Variants in MAGI2 observed in about 807,000 individuals in gnomAD.
The protein encoded by MAGI2 is membrane-associated guanylate kinase, WW and PDZ domain-containing protein 2.
A neutral mutation model predicts 133.3 loss-of-function variants in MAGI2; 35 were observed. The ratio of observed to expected loss-of-function variants is 0.26; its 90% CI spans 0.20 to 0.35. MAGI2 has a LOEUF of 0.35. MAGI2 is among the 10% of genes least tolerant of loss of function. MAGI2 has a pLI of 1.00. For synonymous variants in MAGI2, 729 were observed against 710.6 expected (o/e 1.03, Z -0.41); for missense variants, 1,636 against 1,863.4 (o/e 0.88, Z 2.25).
chr7:78,411,827 T>G (rs2151379421), intron 6 of MAGI2, among the ~76,000 whole-genome samples: 1 of 152,152 alleles, frequency 6.6e-6, no homozygotes, highest in Middle Eastern at 3.4e-3. Context: ...ACCCTGATTC[T>G]TGACTTCATT....
intron 20 of MAGI2, among the ~76,000 whole-genome samples, chr7:78,082,163 C>G (rs1816044768): frequency 6.6e-6 from 1 of 152,184 alleles, no homozygotes; most frequent in African/African-American, 2.4e-5. Flanking sequence ...TAGAAATAGT[C>G]CCGTCTTTTG....
chr7:79,310,251 T>C (rs1036237153), intron 1 of MAGI2, among the ~76,000 whole-genome samples: 3 of 142,160 alleles, frequency 2.1e-5, no homozygotes, highest in African/African-American at 7.9e-5. Context: ...CATTTTTGTG[T>C]ACAAAATTAT....
chr7:78,585,328 C>CTTGTAGA (rs1292822252), intron 3 of MAGI2, among the ~76,000 whole-genome samples: 7 of 152,146 alleles, frequency 4.6e-5, no homozygotes, highest in African/African-American at 1.4e-4. Flanking sequence ...CAAGGGTTAT[C>CTTGTAGA]AGAATAGAAG....
intron 2 of MAGI2, among the ~76,000 whole-genome samples, chr7:78,910,666 G>A (rs1007162532): frequency 2.0e-5 from 3 of 152,076 alleles, no homozygotes; most frequent in Admixed American, 6.5e-5. Context: ...ACTTCCTAAC[G>A]TGGGAAAACG....
At chr7:79,330,515 C>T (rs1464309878) in intron 1 of MAGI2, among the ~76,000 whole-genome samples, 2 of 152,032 alleles carry the variant, frequency 1.3e-5, no homozygotes, top group Non-Finnish European at 2.9e-5. Context: ...GCATCTTATT[C>T]CTCCTTAAAA....
At chr7:78,389,646 C>G (rs943081699) in intron 6 of MAGI2, among the ~76,000 whole-genome samples, 1 of 152,154 alleles carries the variant, frequency 6.6e-6, no homozygotes, top group African/African-American at 2.4e-5. Context: ...ATTTTATGCT[C>G]TTTAATAATT....
At chr7:79,416,059 G>A (rs1423407584) in intron 1 of MAGI2, among the ~76,000 whole-genome samples, 1 of 152,152 alleles carries the variant, frequency 6.6e-6, no homozygotes, top group Non-Finnish European at 1.5e-5. Context: ...TAAACTGTAT[G>A]GAAGAATGAG....
chr7:78,523,433 C>G (rs767340139), intron 3 of MAGI2, among the ~76,000 whole-genome samples: 90 of 151,780 alleles, frequency 5.9e-4, no homozygotes, highest in Non-Finnish European at 4.6e-4. Flanking sequence ...GAGCTGAGAT[C>G]GCGCCACTGC....
At position 78,185,611 on chromosome 7, in the gene MAGI2, G is replaced by A. The variant is rs1056265630; in HGVS notation, c.2311+18C>T. On this transcript the variant is annotated intron_variant, in intron 13 of 21. Transcript: ENST00000354212. ...AGACGTTTTGTTCACAGAACTGTGAGTACTGAACAATACTTGCCAGAGGAA... is the reference window on the plus strand; with the variant it reads ...AGACGTTTTGTTCACAGAACTGTGAATACTGAACAATACTTGCCAGAGGAA... The A allele has an allele frequency of 1.9e-6, 3 of 1,569,960 alleles. No individual in the cohort carries two copies. Among genetic ancestry groups the A allele is most frequent in the African/African-American group, 2.7e-5 (2 of 74,228 alleles).
At chr7:78,745,566 G>A (rs2151265323) in intron 2 of MAGI2, among the ~76,000 whole-genome samples, 1 of 152,156 alleles carries the variant, frequency 6.6e-6, no homozygotes, top group African/African-American at 2.4e-5. Flanking sequence ...TATTTCCAGA[G>A]GATTTGGTAA....
At chr7:78,709,083 T>G (rs990291224) in intron 2 of MAGI2, among the ~76,000 whole-genome samples, 2 of 152,064 alleles carry the variant, frequency 1.3e-5, no homozygotes, top group Admixed American at 1.3e-4. Flanking sequence ...TCTCCACACT[T>G]CCAATGAATT....
At chr7:79,040,087 A>G (rs144242651) in intron 1 of MAGI2, among the ~76,000 whole-genome samples, 1 of 152,000 alleles carries the variant, frequency 6.6e-6, no homozygotes, top group East Asian at 1.9e-4. Flanking sequence ...CGCAATCCCT[A>G]TAGGTCAAGG....
chr7:79,245,584 T>C (rs1832759736), intron 1 of MAGI2, among the ~76,000 whole-genome samples: 1 of 152,180 alleles, frequency 6.6e-6, no homozygotes, highest in South Asian at 2.1e-4. Flanking sequence ...GGACTTTATC[T>C]TGTGGCTTGG....
chr7:79,349,785 G>A (rs1841571443), intron 1 of MAGI2, among the ~76,000 whole-genome samples: 1 of 151,912 alleles, frequency 6.6e-6, no homozygotes, highest in African/African-American at 2.4e-5. Context: ...TTGGTTCTCA[G>A]GGAAATTTAG....
chr7:78,084,051 G>C (rs951374002), intron 20 of MAGI2, among the ~76,000 whole-genome samples: 2 of 152,254 alleles, frequency 1.3e-5, no homozygotes, highest in East Asian at 1.9e-4. Context: ...CGTTACAAAC[G>C]TGCTTACCTG....
At chr7:78,041,155 G>A (rs1368463120) in intron 21 of MAGI2, among the ~76,000 whole-genome samples, 1 of 152,198 alleles carries the variant, frequency 6.6e-6, no homozygotes, top group Non-Finnish European at 1.5e-5. Flanking sequence ...ACCTGAGACT[G>A]CAGTATGCGA....
At chr7:78,258,621 A>G (rs1429282123) in intron 9 of MAGI2, among the ~76,000 whole-genome samples, 1 of 152,200 alleles carries the variant, frequency 6.6e-6, no homozygotes, top group East Asian at 1.9e-4. Context: ...ATATCTCTAA[A>G]TAGTATCTAA....
intron 1 of MAGI2, among the ~76,000 whole-genome samples, chr7:79,109,474 G>A (rs956175361): frequency 2.0e-5 from 3 of 152,152 alleles, no homozygotes; most frequent in Non-Finnish European, 4.4e-5. Flanking sequence ...TAAGGTATCT[G>A]GCGGAAGAAA....
intron 2 of MAGI2, among the ~76,000 whole-genome samples, chr7:78,775,223 G>A (rs1002246028): frequency 3.3e-5 from 5 of 150,358 alleles, no homozygotes; most frequent in African/African-American, 9.8e-5. Context: ...TGAGGCAGGC[G>A]AATGGTGTGA....
Sources: allele counts gnomAD v4.1 joint callset (sites outside exome capture counted in the v4.1 genomes callset), GRCh38; gene constraint gnomAD v4.1.1; transcripts MANE v1.5; gene names NCBI Gene and HGNC (gene_info 2026-07-23, HGNC 2026-07-21).